Variants in WWOX observed in about 807,000 individuals in gnomAD.
WWOX encodes WW domain-containing oxidoreductase.
WWOX carries 69 observed loss-of-function variants against 46.2 expected under a neutral mutation model. The ratio of observed to expected loss-of-function variants is 1.49; its 90% CI spans 1.23 to 1.82. The LOEUF is 1.82. Among genes scored for constraint, WWOX ranks in the 40% most tolerant of loss-of-function variants. WWOX has a pLI of 0.00. For synonymous variants in WWOX, 359 were observed against 202.6 expected (o/e 1.77, Z -6.56); for missense variants, 919 against 542.6 (o/e 1.69, Z -6.89).
chr16:78,531,968 A>T (rs1481644112), intron 8 of WWOX, among the ~76,000 whole-genome samples: 1 of 151,966 alleles, frequency 6.6e-6, no homozygotes, highest in Non-Finnish European at 1.5e-5. Flanking sequence ...GGAAATTTTT[A>T]AAGTAAAGTA....
chr16:78,257,739 G>A (rs548547214), intron 5 of WWOX, among the ~76,000 whole-genome samples: 3 of 152,210 alleles, frequency 2.0e-5, no homozygotes, highest in Admixed American at 6.5e-5. Context: ...GATTTGAAAC[G>A]ATTATCACTC....
chr16:78,322,931 A>G (rs1161356202), intron 5 of WWOX, among the ~76,000 whole-genome samples: 1 of 152,186 alleles, frequency 6.6e-6, no homozygotes, highest in Non-Finnish European at 1.5e-5. Flanking sequence ...AACCATTTAA[A>G]AATATGAAAA....
At chr16:78,735,464 A>G (rs1008206903) in intron 8 of WWOX, among the ~76,000 whole-genome samples, 6 of 151,708 alleles carry the variant, frequency 4.0e-5, no homozygotes, top group Non-Finnish European at 7.4e-5. Context: ...CCTGACTAAT[A>G]CAGAGGCAAG....
chr16:78,599,566 A>G (rs752433453), intron 8 of WWOX, among the ~76,000 whole-genome samples: 14 of 152,148 alleles, frequency 9.2e-5, no homozygotes, highest in Non-Finnish European at 5.9e-5. Flanking sequence ...TCTCATTTCC[A>G]GGCCTCCCCA....
chr16:78,481,724 A>AGTGTGTGT (rs67780639), intron 8 of WWOX, among the ~76,000 whole-genome samples: 7,535 of 136,900 alleles, frequency 0.055, 240 homozygotes, highest in Middle Eastern at 0.065. Flanking sequence ...GGGCAAGGGA[A>AGTGTGTGT]GTGTGTGTGT....
chr16:78,187,447 C>G (rs779600349), intron 5 of WWOX, among the ~76,000 whole-genome samples: 1 of 152,112 alleles, frequency 6.6e-6, no homozygotes, highest in African/African-American at 2.4e-5. Context: ...ACTAAAAATA[C>G]AAAAAATTAG....
chr16:78,721,982 TATTAA>T, intron 8 of WWOX, among the ~76,000 whole-genome samples: 1 of 152,384 alleles, frequency 6.6e-6, no homozygotes, highest in East Asian at 1.9e-4. Flanking sequence ...GTATGTAAAG[TATTAA>T]ATTAGCATCC....
chr16:78,609,745 AG>A (rs1351845917), intron 8 of WWOX, among the ~76,000 whole-genome samples: 2 of 152,194 alleles, frequency 1.3e-5, no homozygotes, highest in African/African-American at 4.8e-5. Context: ...TGGAAAACAA[AG>A]GGGTGAGGTG....
intron 8 of WWOX, among the ~76,000 whole-genome samples, chr16:79,083,338 C>T (rs1379501984): frequency 6.6e-6 from 1 of 152,138 alleles, no homozygotes; most frequent in African/African-American, 2.4e-5. Context: ...TATGCCCCAG[C>T]AATTAAGGAA....
intron 8 of WWOX, among the ~76,000 whole-genome samples, chr16:78,639,468 G>T (rs981952755): frequency 6.6e-6 from 1 of 152,168 alleles, no homozygotes; most frequent in African/African-American, 2.4e-5. Context: ...CCTGTAGTGG[G>T]TTCATTGCTG....
rs1248429669 is a variant in WWOX, at chr16:78,387,036, C to T, written c.605+88C>T. 1.4e-5 allele frequency: 19 copies of T among 1,368,912 alleles called. No individual in the cohort carries two copies. The Admixed American group carries it at 2.9e-4, about 21-fold the overall frequency. The allele number at this position is 1,368,912 out of a possible 1,614,324, so 84.8% of individuals were successfully genotyped here. A position where few individuals can be genotyped will look rare whatever the true frequency, so the allele number is the denominator to read the frequency against. On this transcript the variant is annotated intron_variant, in intron 6 of 8. Coordinates refer to ENST00000566780, the MANE Select transcript of WWOX (RefSeq NM_016373.4). ...TGAACACAATTGGGAGAATGCAAGG[C>T]TGTTGTGTTGTCTTGGCGTCCAAAC...
intron 8 of WWOX, among the ~76,000 whole-genome samples, chr16:78,755,083 C>T (rs1413314523): frequency 6.6e-6 from 1 of 151,234 alleles, no homozygotes; most frequent in Non-Finnish European, 1.5e-5. Flanking sequence ...AGCATTAGGA[C>T]ACATATCTAA....
At chr16:78,481,940 C>CT (rs1451666022) in intron 8 of WWOX, among the ~76,000 whole-genome samples, 4 of 152,130 alleles carry the variant, frequency 2.6e-5, no homozygotes, top group Non-Finnish European at 5.9e-5. Context: ...GATTTCGTAA[C>CT]TTTCTCACAT....
In WWOX at chr16:78,465,393, C is replaced by A. The variant is rs535454125; in HGVS notation, c.1056+32641C>A. On this transcript the variant is annotated intron_variant, in intron 8 of 8. Coordinates refer to ENST00000566780, the MANE Select transcript of WWOX (RefSeq NM_016373.4). ...TGGGGTCTTGTTGTGTTGCCCAGGC[C>A]ACTCTCCAACTCCTAAGCTCAAGCA... Among the ~76,000 whole-genome samples the A allele has an allele frequency of 4.6e-5, 7 of 152,134 alleles. No homozygotes were observed. The South Asian group carries it at 1.5e-3, about 32-fold the overall frequency.
At chr16:78,166,087 T>G (rs999716248) in intron 5 of WWOX, among the ~76,000 whole-genome samples, 3 of 152,158 alleles carry the variant, frequency 2.0e-5, no homozygotes, top group African/African-American at 7.2e-5. Context: ...GGTCCTTCTC[T>G]TGGAAGATAA....
chr16:78,188,338 A>C (rs1221079137), intron 5 of WWOX, among the ~76,000 whole-genome samples: 1 of 151,946 alleles, frequency 6.6e-6, no homozygotes, highest in African/African-American at 2.4e-5. Context: ...AAATACAAAA[A>C]ATTAGCCAAT....
At chr16:78,815,457 C>T (rs79193704) in intron 8 of WWOX, among the ~76,000 whole-genome samples, 1 of 152,152 alleles carries the variant, frequency 6.6e-6, no homozygotes, top group African/African-American at 2.4e-5. Flanking sequence ...CCTTTACAAA[C>T]AGTGCCTTTA....
chr16:78,706,685 C>G (rs966069742), intron 8 of WWOX, among the ~76,000 whole-genome samples: 4 of 152,198 alleles, frequency 2.6e-5, no homozygotes, highest in Non-Finnish European at 5.9e-5. Context: ...TTCAGCTGCT[C>G]TTTCTCGATC....
chr16:78,740,444 G>C (rs2049191628), intron 8 of WWOX, among the ~76,000 whole-genome samples: 1 of 152,188 alleles, frequency 6.6e-6, no homozygotes, highest in Non-Finnish European at 1.5e-5. Context: ...ACCCCGGCTG[G>C]CTGCGGAAGG....
Sources: allele counts gnomAD v4.1 joint callset (sites outside exome capture counted in the v4.1 genomes callset), GRCh38; gene constraint gnomAD v4.1.1; transcripts MANE v1.5; gene names NCBI Gene and HGNC (gene_info 2026-07-23, HGNC 2026-07-21).